Variants in CSMD1 observed in about 807,000 individuals in gnomAD.
The protein encoded by CSMD1 is CUB and Sushi multiple domains 1, also known as CUB and sushi domain-containing protein 1.
CSMD1 carries 213 observed loss-of-function variants against 417.5 expected under a neutral mutation model. That is an observed-to-expected ratio of 0.51 (90% confidence interval 0.46 to 0.57). The LOEUF is 0.57. Among genes scored for constraint, CSMD1 ranks in the 20% least tolerant of loss-of-function variants. CSMD1 has a pLI of 0.00. For synonymous variants in CSMD1, 2,862 were observed against 1,736.8 expected, an observed-to-expected ratio of 1.65 and a Z score of -16.11; for missense variants, 6,923 against 4,529.7, an observed-to-expected ratio of 1.53 and a Z score of -15.17.
At chr8:4,642,947 C>G (rs1002653818) in intron 1 of CSMD1, among the ~76,000 whole-genome samples, 3 of 152,084 alleles carry the variant, frequency 2.0e-5, no homozygotes, top group African/African-American at 7.2e-5. Context: ...ATTCTACAAA[C>G]GAGGAAACGA....
intron 1 of CSMD1, among the ~76,000 whole-genome samples, chr8:4,776,693 G>C (rs1205967640): frequency 6.6e-6 from 1 of 152,298 alleles, no homozygotes; most frequent in East Asian, 1.9e-4. Context: ...GAGACAACCA[G>C]AACACTGGCT....
chr8:3,178,595 G>A (rs529914525), intron 37 of CSMD1, among the ~76,000 whole-genome samples: 52 of 152,266 alleles, frequency 3.4e-4, no homozygotes, highest in African/African-American at 1.2e-3. Context: ...GACCCAGGAA[G>A]GCTAAAAATG....
intron 1 of CSMD1, among the ~76,000 whole-genome samples, chr8:4,860,244 C>G (rs1383385577): frequency 8.3e-6 from 1 of 120,388 alleles, no homozygotes; most frequent in African/African-American, 3.4e-5. Context: ...GGGAATATCA[C>G]ACTCAGGGGA....
chr8:4,774,844 A>G (rs1056818181), intron 1 of CSMD1, among the ~76,000 whole-genome samples: 1 of 152,120 alleles, frequency 6.6e-6, no homozygotes, highest in African/African-American at 2.4e-5. Context: ...AGGCATGTGA[A>G]GTGTTGATTC....
At chr8:4,187,242 T>G (rs996886154) in intron 3 of CSMD1, among the ~76,000 whole-genome samples, 18 of 152,212 alleles carry the variant, frequency 1.2e-4, no homozygotes, top group African/African-American at 4.3e-4. Context: ...CTTTAACATG[T>G]GCTTATGGCA....
chr8:3,553,209 G>A (rs1029941976), intron 10 of CSMD1, among the ~76,000 whole-genome samples: 6 of 152,080 alleles, frequency 3.9e-5, no homozygotes, highest in Admixed American at 1.3e-4. Flanking sequence ...ATCACTTCAT[G>A]GATTTATGAG....
intron 1 of CSMD1, among the ~76,000 whole-genome samples, chr8:4,816,404 G>T (rs1265138495): frequency 6.6e-6 from 1 of 151,886 alleles, no homozygotes; most frequent in Non-Finnish European, 1.5e-5. Context: ...GCACTGTGGG[G>T]TGGTGGAGTG....
chr8:3,287,947 G>C (rs1379813764), intron 25 of CSMD1, among the ~76,000 whole-genome samples: 2 of 146,282 alleles, frequency 1.4e-5, no homozygotes, highest in Non-Finnish European at 2.9e-5. Flanking sequence ...GTTTGTCATA[G>C]ATAGCTCTTA....
At chr8:4,938,333 G>C (rs569489234) in intron 1 of CSMD1, among the ~76,000 whole-genome samples, 1 of 152,142 alleles carries the variant, frequency 6.6e-6, no homozygotes, top group African/African-American at 2.4e-5. Flanking sequence ...GTTCATAAAT[G>C]CAACATTTCA....
chr8:4,289,866 C>G (rs886644704), intron 3 of CSMD1, among the ~76,000 whole-genome samples: 4 of 152,092 alleles, frequency 2.6e-5, no homozygotes, highest in African/African-American at 9.7e-5. Flanking sequence ...AGTGTATTTG[C>G]TACAAACAAG....
Position 3,193,553 on chromosome 8 carries a change from C to T in CSMD1, c.5195-3438G>A, listed in dbSNP as rs144438149. The stretch of plus-strand genomic sequence containing the variant: ...TGGCCCTTCACCTGGACATTTCAGA[C>T]GGCATCCGAGAGAAAAATTCTATTG... On this transcript the variant is annotated intron_variant, in intron 33 of 69. Transcript: ENST00000635120. Among the ~76,000 whole-genome samples, 50 of 152,164 alleles carry T rather than the reference C, an allele frequency of 3.3e-4. 1 individual carries two copies. Among genetic ancestry groups the T allele is most frequent in the East Asian group, 1.2e-3 (6 of 5,166 alleles).
chr8:3,749,272 A>G (rs1221097333), intron 6 of CSMD1, among the ~76,000 whole-genome samples: 1 of 152,200 alleles, frequency 6.6e-6, no homozygotes, highest in Non-Finnish European at 1.5e-5. Flanking sequence ...CTTACATTCA[A>G]CCACAGCCCA....
At chr8:3,212,442 A>G (rs1282894343) in intron 30 of CSMD1, among the ~76,000 whole-genome samples, 1 of 152,040 alleles carries the variant, frequency 6.6e-6, no homozygotes, top group Non-Finnish European at 1.5e-5. Flanking sequence ...TTCACCTACC[A>G]GGCTCCAGCG....
In CSMD1 at chr8:4,455,702, G is replaced by A. The variant is rs141923469; in HGVS notation, c.303-35637C>T. On this transcript the variant is annotated intron_variant, in intron 2 of 69. Transcript: ENST00000635120. ...TCTCAGCACTTTGGGAGGCCGAAGC[G>A]GGTCGATCACCTGAGGTCAGGAGTT... 1.0e-3 allele frequency among the ~76,000 whole-genome samples: 151 copies of A among 151,704 alleles called. No individual in the cohort carries two copies. The East Asian group carries it at 0.012, about 13-fold the overall frequency.
intron 10 of CSMD1, among the ~76,000 whole-genome samples, chr8:3,567,413 A>C (rs1799759908): frequency 6.6e-6 from 1 of 151,928 alleles, no homozygotes; most frequent in Admixed American, 6.6e-5. Context: ...CCCTTAACCT[A>C]AAATAAAAGT....
intron 5 of CSMD1, among the ~76,000 whole-genome samples, chr8:3,893,702 G>A (rs987495228): frequency 6.6e-5 from 10 of 151,922 alleles, no homozygotes; most frequent in South Asian, 6.3e-4. Context: ...CGCAGCAACC[G>A]TGGTAACAAT....
chr8:3,742,786 G>A (rs951732830), intron 6 of CSMD1, among the ~76,000 whole-genome samples: 3 of 152,030 alleles, frequency 2.0e-5, no homozygotes, highest in African/African-American at 4.8e-5. Flanking sequence ...ACCAACAACA[G>A]CAACAACAAA....
chr8:4,504,077 C>G (rs112349251), intron 2 of CSMD1, among the ~76,000 whole-genome samples: 7 of 151,970 alleles, frequency 4.6e-5, no homozygotes, highest in African/African-American at 1.4e-4. Context: ...CAGAAAAAAT[C>G]CTACTATGTC....
At chr8:4,242,621 C>A (rs1802467420) in intron 3 of CSMD1, among the ~76,000 whole-genome samples, 1 of 152,142 alleles carries the variant, frequency 6.6e-6, no homozygotes, top group Non-Finnish European at 1.5e-5. Context: ...ACTGCTAGTT[C>A]ATGAGGCATC....
Sources: gnomAD v4.1 joint callset for allele counts (sites outside exome capture counted in the v4.1 genomes callset) on GRCh38, gnomAD v4.1.1 for gene constraint, MANE v1.5 for transcripts, NCBI Gene and HGNC (gene_info 2026-07-23, HGNC 2026-07-21) for gene names.